The following NRP1 variants were observed in gnomAD, a reference collection of about 807,000 sequenced individuals.
The protein encoded by NRP1 is neuropilin 1.
NRP1 carries 35 observed loss-of-function variants against 106.7 expected under a neutral mutation model. The ratio of observed to expected loss-of-function variants is 0.33; its 90% confidence interval spans 0.25 to 0.43. NRP1 has a LOEUF of 0.43. Ranked by LOEUF, NRP1 falls within the 20% of genes least tolerant of loss-of-function variation. The pLI is 1.00. For missense variants in NRP1, 1,024 were observed against 1,170.4 expected, an observed-to-expected ratio of 0.87 and a Z score of 1.83; for synonymous variants, 437 against 417.9, an observed-to-expected ratio of 1.05 and a Z score of -0.56.
chr10:33,269,077 T>C (rs1843115327), intron 3 of NRP1, among the ~76,000 whole-genome samples: 2 of 152,172 alleles, frequency 1.3e-5, no homozygotes, highest in African/African-American at 4.8e-5. Context: ...TTTTTTTCTA[T>C]CGAAACAAGC....
intron 8 of NRP1, among the ~76,000 whole-genome samples, chr10:33,220,775 G>T (rs979863653): frequency 6.6e-6 from 1 of 151,668 alleles, no homozygotes; most frequent in Non-Finnish European, 1.5e-5. Flanking sequence ...GTGCACTCCT[G>T]TAGTAGTACC....
chr10:33,284,870 T>C (rs1337856342), intron 2 of NRP1, among the ~76,000 whole-genome samples: 1 of 152,208 alleles, frequency 6.6e-6, no homozygotes, highest in Non-Finnish European at 1.5e-5. Flanking sequence ...ATGGAATCAG[T>C]GCCGTCATGA....
intron 5 of NRP1, among the ~76,000 whole-genome samples, chr10:33,254,988 A>C (rs575367323): frequency 1.3e-5 from 2 of 152,320 alleles, no homozygotes; most frequent in South Asian, 4.1e-4. Flanking sequence ...TCTTAGGCCT[A>C]ACATCCTCAG....
intron 2 of NRP1, among the ~76,000 whole-genome samples, chr10:33,272,534 AAGG>A (rs574016160): frequency 7.9e-5 from 12 of 151,984 alleles, no homozygotes; most frequent in Admixed American, 1.3e-4. Flanking sequence ...CAAGGAGGAA[AAGG>A]AGGAGGAGGA....
intron 12 of NRP1, among the ~76,000 whole-genome samples, chr10:33,195,174 A>G (rs1227772579): frequency 6.6e-6 from 1 of 152,198 alleles, no homozygotes; most frequent in Non-Finnish European, 1.5e-5. Context: ...CTGGTATTCC[A>G]AACTTCTATA....
intron 13 of NRP1, among the ~76,000 whole-genome samples, chr10:33,186,873 T>C (rs1836044810): frequency 1.3e-5 from 2 of 152,070 alleles, no homozygotes; most frequent in Non-Finnish European, 2.9e-5. Context: ...TATTTATTTA[T>C]TTATTATGTT....
intron 6 of NRP1, among the ~76,000 whole-genome samples, chr10:33,239,769 C>G (rs982309216): frequency 6.6e-6 from 1 of 152,190 alleles, no homozygotes; most frequent in East Asian, 1.9e-4. Flanking sequence ...CTATTATGCT[C>G]TCAAATACCT....
chr10:33,201,235 C>G (rs1555319), intron 11 of NRP1: 70,578 of 151,972 alleles, frequency 0.46, 16,668 homozygotes, highest in East Asian at 0.74. Flanking sequence ...TCATTCAAAG[C>G]CTTCAGTTTC....
At chr10:33,232,638 CTTTTTTTTTTT>C (rs71030049) in intron 6 of NRP1, among the ~76,000 whole-genome samples, 3 of 94,210 alleles carry the variant, frequency 3.2e-5, no homozygotes, top group African/African-American at 4.5e-5. Context: ...TTTTCTTTTC[CTTTTTTTTTTT>C]TTTTTTTTTT....
chr10:33,191,596 C>T (rs1275957504), intron 13 of NRP1, among the ~76,000 whole-genome samples: 1 of 152,148 alleles, frequency 6.6e-6, no homozygotes, highest in African/African-American at 2.4e-5. Context: ...ATTGTTGAAG[C>T]AGGGTCGTGC....
intron 6 of NRP1, among the ~76,000 whole-genome samples, chr10:33,236,353 C>T (rs1044183244): frequency 1.3e-5 from 2 of 152,236 alleles, no homozygotes; most frequent in African/African-American, 4.8e-5. Flanking sequence ...AGCGCATGTG[C>T]TCTTGCTAGA....
At chr10:33,270,607 G>C in intron 3 of NRP1, 68 bp downstream of exon 3, 1 of 1,390,034 alleles carries the variant, frequency 7.2e-7, no homozygotes, top group East Asian at 2.4e-5. Context: ...GATTACAGGG[G>C]TGAGCCACCA....
At position 33,302,061 on chromosome 10, in the gene NRP1, GACT is replaced by G. The variant is rs1179772546; in HGVS notation, c.248+28644_248+28646del. Among the ~76,000 whole-genome samples, 9 of 152,180 alleles carry G rather than the reference GACT, an allele frequency of 5.9e-5. No homozygotes were observed. The South Asian group carries it at 1.7e-3, about 28-fold the overall frequency. On this transcript the variant is annotated intron_variant, in intron 2 of 16. Coordinates refer to ENST00000374867, the MANE Select transcript of NRP1 (RefSeq NM_003873.7). ...AGGAGTTTTGATTTTCCTCCAAATA[GACT>G]ACTTAGTACAGAGTCTCTGTATAAT... is the stretch of plus-strand genomic sequence containing the variant.
intron 4 of NRP1, among the ~76,000 whole-genome samples, chr10:33,260,124 A>G (rs144928789): frequency 1.7e-3 from 255 of 152,300 alleles, no homozygotes; most frequent in Non-Finnish European, 2.5e-3. Flanking sequence ...TAGGCCTCCC[A>G]AAGTGATGGG....
chr10:33,198,854 A>T (rs1251282930), intron 11 of NRP1, among the ~76,000 whole-genome samples: 1 of 152,234 alleles, frequency 6.6e-6, no homozygotes, highest in Non-Finnish European at 1.5e-5. Flanking sequence ...TGCAGGAAGC[A>T]GCAGGAAAAG....
chr10:33,242,083 G>C (rs373324012), intron 6 of NRP1, among the ~76,000 whole-genome samples: 1 of 152,088 alleles, frequency 6.6e-6, no homozygotes, highest in Non-Finnish European at 1.5e-5. Flanking sequence ...GTTGATAGTC[G>C]GAGCTGAATT....
chr10:33,237,576 C>CT (rs36019831), intron 6 of NRP1, among the ~76,000 whole-genome samples: 3,123 of 99,756 alleles, frequency 0.031, 171 homozygotes, highest in Admixed American at 0.046. Flanking sequence ...TTTCCTTCTT[C>CT]TTTTTTTTTT....
intron 13 of NRP1, among the ~76,000 whole-genome samples, chr10:33,190,110 G>A (rs186904241): frequency 1.3e-5 from 2 of 152,330 alleles, no homozygotes; most frequent in East Asian, 3.9e-4. Flanking sequence ...AACACATAAA[G>A]CACTGATATT....
At chr10:33,314,423 G>A (rs1247673389) in intron 2 of NRP1, among the ~76,000 whole-genome samples, 1 of 152,204 alleles carries the variant, frequency 6.6e-6, no homozygotes, top group South Asian at 2.1e-4. Context: ...AACTAGAGAG[G>A]TGAGAAGGAG....
Sources: allele counts gnomAD v4.1 joint callset (sites outside exome capture counted in the v4.1 genomes callset), GRCh38; gene constraint gnomAD v4.1.1; transcripts MANE v1.5; gene names NCBI Gene and HGNC (gene_info 2026-07-23, HGNC 2026-07-21).